The following RNF43 variants were observed in gnomAD, a reference collection of about 807,000 sequenced individuals.
RNF43 encodes ring finger protein 43.
Under a neutral mutation model 78.4 loss-of-function variants are expected in RNF43, and 37 were observed. The observed-to-expected ratio is 0.47, with a 90% CI of 0.36 to 0.62. The LOEUF (loss-of-function observed/expected upper bound fraction) is 0.62, where lower values mean the gene tolerates loss of function less well. RNF43 is among the 20% of genes least tolerant of loss of function. The pLI is 0.00. For synonymous variants in RNF43, 347 were observed against 395.0 expected (o/e 0.88, Z 1.44); for missense variants, 774 against 1,007.9 (o/e 0.77, Z 3.14).
chr17:58,354,418 A>G lies in RNF43; in HGVS notation c.*525T>C, dbSNP rs1340980619. On this transcript the variant is annotated 3_prime_UTR_variant, in exon 10 of 10. Transcript: ENST00000407977. Reference sequence around the variant, plus strand: ...TACTGGTCCTTTTGGCAAAAAAGGAAAATGATAGAGCCAGGGTTGCCCCTG... The same window carrying G: ...TACTGGTCCTTTTGGCAAAAAAGGAGAATGATAGAGCCAGGGTTGCCCCTG... The G allele has an allele frequency of 8.6e-6, 2 of 233,220 alleles. No individual in the cohort carries two copies. The highest frequency in any genetic ancestry group is 6.2e-5 in the East Asian group (1 of 16,070). 14.4% of individuals were successfully genotyped at this position (233,220 alleles called of 1,614,324 possible).
chr17:58,397,309 C>T (rs1394229640), intron 2 of RNF43, among the ~76,000 whole-genome samples: 1 of 152,136 alleles, frequency 6.6e-6, no homozygotes, highest in East Asian at 1.9e-4. Context: ...CTACCTAATT[C>T]TCAAATACAA....
intron 2 of RNF43, among the ~76,000 whole-genome samples, chr17:58,404,786 A>T (rs1973871769): frequency 6.6e-6 from 1 of 152,230 alleles, no homozygotes; most frequent in African/African-American, 2.4e-5. Flanking sequence ...CAGTTTGCGA[A>T]GAATTAAAAT....
Position 58,354,841 on chromosome 17 carries a change from T to C in RNF43, c.*102A>G, listed in dbSNP as rs1972651218. 1.9e-6 allele frequency: 2 copies of C among 1,034,524 alleles called. No individual in the cohort carries two copies. Among genetic ancestry groups the C allele is most frequent in the African/African-American group, 3.1e-5 (2 of 63,790 alleles). The allele number at this position is 1,034,524 out of a possible 1,614,324, so 64.1% of individuals were successfully genotyped here. A position where few individuals can be genotyped will look rare whatever the true frequency, so the allele number is the denominator to read the frequency against. On this transcript the variant is annotated 3_prime_UTR_variant, in exon 10 of 10. Transcript: ENST00000407977. ...CTAGGAAGTACGGCAAAAAGAATGG[T>C]GTTTGCTGTGGTCCTTTCCTTTCCC...
chr17:58,396,561 A>G (rs902854644), intron 2 of RNF43, among the ~76,000 whole-genome samples: 1 of 152,154 alleles, frequency 6.6e-6, no homozygotes, highest in Admixed American at 6.5e-5. Context: ...TCCTAAGGTT[A>G]TCCATTTTAC....
chr17:58,415,676 AT>A lies in RNF43; in HGVS notation c.-100del. ...ATCCAGACAAATGGAGGAAAAGAAC[AT>A]TTATGCTTCCGTTTCAGAAAGCCAA... On this transcript the variant is annotated 5_prime_UTR_variant, in exon 2 of 10. In the 5' UTR this introduces an upstream ATG that the reference lacks. Coordinates refer to ENST00000407977, the MANE Select transcript of RNF43 (RefSeq NM_017763.6). 7.2e-7 allele frequency: 1 copy of A among 1,387,120 alleles called. No homozygotes were observed. The highest frequency in any genetic ancestry group is 9.8e-7 in the Non-Finnish European group (1 of 1,023,668). 85.9% of individuals were successfully genotyped at this position (1,387,120 alleles called of 1,614,324 possible).
At chr17:58,386,495 T>G (rs1284008011) in intron 2 of RNF43, among the ~76,000 whole-genome samples, 1 of 152,302 alleles carries the variant, frequency 6.6e-6, no homozygotes, top group South Asian at 2.1e-4. Flanking sequence ...AAGTAACATA[T>G]TTAAAGTACC....
intron 2 of RNF43, among the ~76,000 whole-genome samples, chr17:58,383,643 T>C (rs962964303): frequency 2.0e-5 from 3 of 151,970 alleles, no homozygotes; most frequent in African/African-American, 7.3e-5. Context: ...TGGTGTTTTT[T>C]TCTTTTTTCT....
At chr17:58,403,317 A>T (rs1207414837) in intron 2 of RNF43, among the ~76,000 whole-genome samples, 1 of 152,216 alleles carries the variant, frequency 6.6e-6, no homozygotes, top group Non-Finnish European at 1.5e-5. Flanking sequence ...ATAATCCCCC[A>T]GTCTCCTCCA....
At position 58,415,817 on chromosome 17, in the gene RNF43, T is replaced by C; in HGVS notation, c.-240A>G. ...CACATCTGCTGCAGGTATGTCATTT[T>C]CTCCCATCTTCACTGTGACTAGTAA... On this transcript the variant is annotated 5_prime_UTR_variant, in exon 2 of 10. Coordinates refer to ENST00000407977, the MANE Select transcript of RNF43 (RefSeq NM_017763.6). The C allele has an allele frequency of 5.4e-6, 3 of 560,480 alleles. No individual in the cohort carries two copies. Among genetic ancestry groups the C allele is most frequent in the Non-Finnish European group, 9.6e-6 (3 of 313,500 alleles). 34.7% of individuals were successfully genotyped at this position (560,480 alleles called of 1,614,324 possible).
intron 8 of RNF43, among the ~76,000 whole-genome samples, chr17:58,359,086 A>G (rs1281590215): frequency 6.6e-6 from 1 of 152,176 alleles, no homozygotes; most frequent in Non-Finnish European, 1.5e-5. Flanking sequence ...ACCCAGGGCC[A>G]CTGTTAGCCC....
intron 2 of RNF43, among the ~76,000 whole-genome samples, chr17:58,403,099 G>T (rs1184071879): frequency 2.0e-5 from 3 of 152,202 alleles, no homozygotes; most frequent in Non-Finnish European, 2.9e-5. Context: ...ACCTCTTCCA[G>T]TAAGCGTGTA....
intron 3 of RNF43, among the ~76,000 whole-genome samples, chr17:58,366,441 GC>G (rs1480728742): frequency 6.6e-6 from 1 of 152,222 alleles, no homozygotes; most frequent in Non-Finnish European, 1.5e-5. Context: ...CTGGAGGCAT[GC>G]CCCCAGGGAG....
intron 2 of RNF43, among the ~76,000 whole-genome samples, chr17:58,405,045 G>T (rs1019230189): frequency 6.7e-6 from 1 of 148,436 alleles, no homozygotes; most frequent in African/African-American, 2.5e-5. Context: ...AAATTTAGAA[G>T]GTATGACTGG....
At chr17:58,384,865 C>A (rs1456970763) in intron 2 of RNF43, among the ~76,000 whole-genome samples, 1 of 152,168 alleles carries the variant, frequency 6.6e-6, no homozygotes, top group Non-Finnish European at 1.5e-5. Flanking sequence ...AATGTGACTA[C>A]CAAACACATC....
Position 58,353,759 on chromosome 17 carries a change from C to T in RNF43, c.*1184G>A, listed in dbSNP as rs1362877963. On this transcript the variant is annotated 3_prime_UTR_variant, in exon 10 of 10. Coordinates refer to ENST00000407977, the MANE Select transcript of RNF43 (RefSeq NM_017763.6). ...CGTCTGTCTGGTTCAGATATAAATA[C>T]CCATGTGGGTACCTAGGTGCTAGTC... 4.8e-6 allele frequency: 1 copy of T among 207,152 alleles called. No individual in the cohort carries two copies. The highest frequency in any genetic ancestry group is 9.9e-6 in the Non-Finnish European group (1 of 101,208). The allele number at this position is 207,152 out of a possible 1,614,324, so 12.8% of individuals were successfully genotyped here. A position where few individuals can be genotyped will look rare whatever the true frequency, so the allele number is the denominator to read the frequency against.
chr17:58,409,552 T>C (rs1188921413), intron 2 of RNF43, among the ~76,000 whole-genome samples: 1 of 152,176 alleles, frequency 6.6e-6, no homozygotes, highest in African/African-American at 2.4e-5. Context: ...AGGAATACCT[T>C]GTTTCTTAGA....
Sources: allele counts gnomAD v4.1 joint callset (sites outside exome capture counted in the v4.1 genomes callset), GRCh38; gene constraint gnomAD v4.1.1; transcripts MANE v1.5; gene names NCBI Gene and HGNC (gene_info 2026-07-23, HGNC 2026-07-21).